RPS6KA2: variants seen among roughly 807,000 people sequenced by gnomAD.
RPS6KA2 encodes the protein ribosomal protein S6 kinase A2, also known as ribosomal protein S6 kinase alpha-2.
In RPS6KA2, 42 loss-of-function variants were observed where a neutral mutation model predicts 91.8. That is an observed-to-expected ratio of 0.46 (90% CI 0.36 to 0.59). The LOEUF (loss-of-function observed/expected upper bound fraction) is 0.59, where lower values mean the gene tolerates loss of function less well. Ranked by LOEUF, RPS6KA2 falls within the 20% of genes least tolerant of loss-of-function variation. The probability of loss-of-function intolerance (pLI) is 0.00; values close to 1 mark genes in which losing one functional copy is unlikely to be tolerated. For missense variants in RPS6KA2, 798 were observed against 978.5 expected (o/e 0.82, Z 2.46); for synonymous variants, 414 against 393.6 (o/e 1.05, Z -0.61).
chr6:166,526,854 C>T (rs112782218), intron 3 of RPS6KA2, among the ~76,000 whole-genome samples: 8 of 152,344 alleles, frequency 5.3e-5, no homozygotes, highest in African/African-American at 1.7e-4. Flanking sequence ...TTGCTTCTGG[C>T]ACAATGTCCA....
At chr6:166,856,127 A>G (rs1245661382) in intron 2 of RPS6KA2, among the ~76,000 whole-genome samples, 1 of 152,250 alleles carries the variant, frequency 6.6e-6, no homozygotes, top group African/African-American at 2.4e-5. Context: ...AGTTGTATAC[A>G]TGCACTTTGG....
chr6:166,532,735 G>C (rs1429358865), intron 2 of RPS6KA2, among the ~76,000 whole-genome samples: 2 of 152,310 alleles, frequency 1.3e-5, no homozygotes, highest in East Asian at 1.9e-4. Context: ...AGAAGTCACA[G>C]GCAATTAGAA....
intron 10 of RPS6KA2, among the ~76,000 whole-genome samples, chr6:166,478,054 A>G (rs538286319): frequency 5.3e-5 from 8 of 152,274 alleles, no homozygotes; most frequent in Admixed American, 3.3e-4. Flanking sequence ...TCCAATTCGC[A>G]TTTCCAGGGG....
intron 5 of RPS6KA2, among the ~76,000 whole-genome samples, chr6:166,504,822 G>A (rs530977397): frequency 6.6e-6 from 1 of 152,124 alleles, no homozygotes; most frequent in Non-Finnish European, 1.5e-5. Context: ...ATGGAGACGA[G>A]GGCTTCCTGC....
At chr6:166,676,409 C>G (rs1036869235) in intron 2 of RPS6KA2, among the ~76,000 whole-genome samples, 1 of 152,182 alleles carries the variant, frequency 6.6e-6, no homozygotes, top group Non-Finnish European at 1.5e-5. Flanking sequence ...CTGCCCCAGG[C>G]CGGTCTCCCC....
At chr6:166,667,469 G>C (rs1340585430) in intron 2 of RPS6KA2, among the ~76,000 whole-genome samples, 1 of 152,190 alleles carries the variant, frequency 6.6e-6, no homozygotes. Flanking sequence ...CAAAACACCT[G>C]TTGATACCTT....
At chr6:166,481,540 C>T (rs1271927380) in intron 10 of RPS6KA2, among the ~76,000 whole-genome samples, 1 of 152,112 alleles carries the variant, frequency 6.6e-6, no homozygotes, top group African/African-American at 2.4e-5. Context: ...GAGAGCTCTG[C>T]TGAATTCTCT....
intron 2 of RPS6KA2, among the ~76,000 whole-genome samples, chr6:166,651,840 G>A (rs1271585783): frequency 6.6e-6 from 1 of 152,248 alleles, no homozygotes; most frequent in East Asian, 1.9e-4. Context: ...TATCACACCT[G>A]AGGAATCCAC....
chr6:166,765,910 A>G (rs990856412), intron 2 of RPS6KA2, among the ~76,000 whole-genome samples: 7 of 152,062 alleles, frequency 4.6e-5, no homozygotes, highest in African/African-American at 1.7e-4. Context: ...TTGAGTATAC[A>G]CTCCCTTCAC....
At chr6:166,545,192 C>T (rs1020593311) in intron 1 of RPS6KA2, among the ~76,000 whole-genome samples, 2 of 152,238 alleles carry the variant, frequency 1.3e-5, no homozygotes, top group African/African-American at 4.8e-5. Flanking sequence ...AGAGTTTGAA[C>T]TGCATCTATT....
intron 1 of RPS6KA2, among the ~76,000 whole-genome samples, chr6:166,552,309 T>C (rs765736036): frequency 1.7e-4 from 26 of 152,344 alleles, no homozygotes; most frequent in Admixed American, 4.6e-4. Context: ...AAGGAATCGA[T>C]GAAAACTTGT....
rs1451215747 is a variant in RPS6KA2 at position 166,557,666 on chromosome 6, C to A, written c.100-18882G>T. 6.6e-6 allele frequency among the ~76,000 whole-genome samples: 1 copy of A among 152,168 alleles called. No homozygotes were observed. Among genetic ancestry groups the A allele is most frequent in the African/African-American group, 2.4e-5 (1 of 41,432 alleles). ...TAATAGATATATAGAAAAGTCCAGG[C>A]AACTTACAGAAATAATACAGATAAA... On this transcript the variant is annotated intron_variant, in intron 1 of 20. Transcript: ENST00000265678. The surrounding 1 kb of genome is among the most constrained non-coding windows in gnomAD (Gnocchi z 4.8).
chr6:166,784,225 A>AT lies in RPS6KA2; in HGVS notation c.123+73974_123+73975insA, dbSNP rs1351789045. On this transcript the variant is annotated intron_variant, in intron 2 of 21. Coordinates refer to the RPS6KA2 transcript ENST00000503859. ...ACCACATATGCACACGTGCACACCT[A>AT]CGCATAACCACATATGCACACGTGC... 4.3e-3 allele frequency among the ~76,000 whole-genome samples: 11 copies of AT among 2,544 alleles called. 5 individuals are homozygous for AT. Among genetic ancestry groups the AT allele is most frequent in the South Asian group, 1 (2 of 2 alleles). The allele number at this position is 2,544 out of a possible 152,430, so 1.7% of individuals were successfully genotyped here. A position where few individuals can be genotyped will look rare whatever the true frequency, so the allele number is the denominator to read the frequency against.
At chr6:166,790,618 C>G (rs985565728) in intron 2 of RPS6KA2, among the ~76,000 whole-genome samples, 45 of 152,224 alleles carry the variant, frequency 3.0e-4, no homozygotes, top group East Asian at 7.7e-4. Context: ...AGAGAGAAAG[C>G]TCGGGTTACC....
intron 10 of RPS6KA2, among the ~76,000 whole-genome samples, chr6:166,471,489 C>A (rs996975935): frequency 1.3e-5 from 2 of 152,230 alleles, no homozygotes; most frequent in Non-Finnish European, 2.9e-5. Flanking sequence ...ATACTAAATG[C>A]CCCTGAAGGC....
intron 2 of RPS6KA2, among the ~76,000 whole-genome samples, chr6:166,531,566 T>C (rs1395821788): frequency 2.0e-5 from 3 of 152,154 alleles, no homozygotes; most frequent in Non-Finnish European, 2.9e-5. Flanking sequence ...AACTTTGCAT[T>C]TTATGCCAGA....
intron 2 of RPS6KA2, among the ~76,000 whole-genome samples, chr6:166,740,883 G>T (rs913546303): frequency 2.0e-5 from 3 of 152,256 alleles, no homozygotes; most frequent in African/African-American, 7.2e-5. Context: ...TGGGCAAAAC[G>T]TTTGAAATGT....
intron 2 of RPS6KA2, among the ~76,000 whole-genome samples, chr6:166,687,134 G>T (rs889570357): frequency 2.6e-5 from 4 of 152,202 alleles, no homozygotes; most frequent in African/African-American, 9.6e-5. Flanking sequence ...CCCAGCAACT[G>T]CCTCCACGGT....
chr6:166,594,868 G>T (rs1214529818), intron 1 of RPS6KA2, among the ~76,000 whole-genome samples: 1 of 152,080 alleles, frequency 6.6e-6, no homozygotes, highest in African/African-American at 2.4e-5. Context: ...AGTATTTACT[G>T]AGATGCAAAG....
Sources: allele counts gnomAD v4.1 joint callset (sites outside exome capture counted in the v4.1 genomes callset), GRCh38; gene constraint gnomAD v4.1.1; non-coding constraint Gnocchi (gnomAD v3.1); transcripts MANE v1.5; gene names NCBI Gene and HGNC (gene_info 2026-07-23, HGNC 2026-07-21).